BCLAF3: variants seen among roughly 807,000 people sequenced by gnomAD.
The protein encoded by BCLAF3 is transient octamer binding factor 1.
BCLAF3 carries 24 observed loss-of-function variants against 51.2 expected under a neutral mutation model. The observed-to-expected ratio is 0.47, with a 90% CI of 0.34 to 0.66. The LOEUF (loss-of-function observed/expected upper bound fraction) is 0.66. Among genes scored for constraint, BCLAF3 ranks in the 30% least tolerant of loss-of-function variants. The pLI is 0.01. For synonymous variants in BCLAF3, 152 were observed against 176.6 expected (o/e 0.86, Z 1.10); for missense variants, 465 against 525.1 (o/e 0.89, Z 1.12).
chrX:19,979,945 G>A (rs1294037044), intron 1 of BCLAF3, among the ~76,000 whole-genome samples: 1 of 109,716 alleles, frequency 9.1e-6, no homozygotes, highest in Non-Finnish European at 1.9e-5. Flanking sequence ...AGTGGGGAGA[G>A]GGAAAGAAAG....
rs1490992031 is a variant in BCLAF3, at chrX:19,923,740, C to T, written c.2106+6045G>A. Among the ~76,000 whole-genome samples the T allele has an allele frequency of 5.4e-5, 6 of 111,588 alleles. No homozygotes were observed. The Admixed American group carries it at 5.7e-4, about 11-fold the overall frequency. ...GACGTTTCATATAAACTGAATCATA[C>T]AATATGTGGTCTTTTGTGTCTGGCT... On this transcript the variant is annotated intron_variant, in intron 11 of 11. Coordinates refer to ENST00000379682, the MANE Select transcript of BCLAF3 (RefSeq NM_001367774.2).
intron 1 of BCLAF3, among the ~76,000 whole-genome samples, chrX:19,978,157 G>A (rs2072488926): frequency 1.8e-5 from 2 of 112,359 alleles, no homozygotes; most frequent in Admixed American, 9.5e-5. Context: ...GTAGCCCATA[G>A]ATCAAGGAGT....
intron 1 of BCLAF3, among the ~76,000 whole-genome samples, chrX:19,990,386 G>A (rs1003171811): frequency 8.8e-6 from 1 of 113,496 alleles, no homozygotes; most frequent in Non-Finnish European, 1.9e-5. Flanking sequence ...ATAATGAGCA[G>A]CCTTCACTAC....
rs1169065328 is a variant in BCLAF3 at position 19,916,334 on chromosome X, C to T, written c.*971G>A. On this transcript the variant is annotated 3_prime_UTR_variant, in exon 12 of 12. Transcript: ENST00000379682. Reference sequence around the variant, plus strand: ...AAATGTAATTGGGAATGTATATGTACTGTTAAGCAGAACACAGAAAACATA... The same window carrying T: ...AAATGTAATTGGGAATGTATATGTATTGTTAAGCAGAACACAGAAAACATA... 8.9e-6 allele frequency: 1 copy of T among 112,544 alleles called. No homozygotes were observed. Among genetic ancestry groups the T allele is most frequent in the African/African-American group, 3.2e-5 (1 of 30,984 alleles). 9.3% of individuals were successfully genotyped at this position (112,544 alleles called of 1,213,427 possible).
At position 19,945,854 on chromosome X, in the gene BCLAF3, T is replaced by C. The variant is rs1294511314; in HGVS notation, c.1745+4899A>G. 5.8e-3 allele frequency among the ~76,000 whole-genome samples: 590 copies of C among 102,443 alleles called. 3 individuals are homozygous for C. The highest frequency in any genetic ancestry group is 0.018 in the African/African-American group (454 of 25,898). 89.0% of individuals were successfully genotyped at this position (102,443 alleles called of 115,157 possible). ...TTACCTAAGCAAGCCTGGGCAATGG[T>C]GGGCGCCCCTCCCCCAGCCTCGCTG... On this transcript the variant is annotated intron_variant, in intron 8 of 11. Transcript: ENST00000379682.
At chrX:19,937,111 G>C (rs190322087) in intron 9 of BCLAF3, among the ~76,000 whole-genome samples, 150 of 111,322 alleles carry the variant, frequency 1.3e-3, no homozygotes, top group African/African-American at 4.6e-3. Context: ...CTGGGCTCAA[G>C]CAATCCTCCT....
chrX:19,938,464 C>T (rs1192796187), intron 8 of BCLAF3, among the ~76,000 whole-genome samples: 2 of 112,264 alleles, frequency 1.8e-5, no homozygotes, highest in East Asian at 2.8e-4. Context: ...GGCACAATCT[C>T]GGCTCATTGC....
rs776925685 is a variant in BCLAF3, at chrX:19,937,530, T to C, written c.1748A>G (p.Asp583Gly). The stretch of plus-strand genomic sequence containing the variant: ...CTTTGAAAAACTGGAATTCTGATCA[T>C]CCCTAATAAGGAAACAGAGAAAATA... ...IFHIASAAER[D>G]DQNSSFSKVK... The change falls in exon 9 of 12, where the codon GAT becomes GGT. Residue 583 changes from aspartate (D) to glycine (G), a missense_variant and splice_region_variant. Transcript: ENST00000379682. 1.0e-6 allele frequency: 1 copy of C among 1,000,274 alleles called. No homozygotes were observed. Among genetic ancestry groups the C allele is most frequent in the African/African-American group, 1.9e-5 (1 of 52,932 alleles). 82.4% of individuals were successfully genotyped at this position (1,000,274 alleles called of 1,213,427 possible).
intron 7 of BCLAF3, among the ~76,000 whole-genome samples, chrX:19,951,416 T>G (rs1204471601): frequency 2.0e-5 from 2 of 102,260 alleles, no homozygotes; most frequent in Admixed American, 1.1e-4. Context: ...GCCAACATAG[T>G]AAAACCCCAT....
intron 4 of BCLAF3, among the ~76,000 whole-genome samples, chrX:19,963,505 G>A (rs901321432): frequency 9.0e-6 from 1 of 111,724 alleles, no homozygotes; most frequent in East Asian, 2.8e-4. Flanking sequence ...AATATACATA[G>A]AAAAATAACT....
chrX:19,980,959 C>T (rs542675351), intron 1 of BCLAF3, among the ~76,000 whole-genome samples: 3 of 108,022 alleles, frequency 2.8e-5, no homozygotes, highest in South Asian at 4.0e-4. Context: ...AAAAAAATTG[C>T]TACACATTGT....
intron 8 of BCLAF3, among the ~76,000 whole-genome samples, chrX:19,950,535 T>G (rs1019064092): frequency 1.8e-5 from 2 of 112,372 alleles, no homozygotes; most frequent in Non-Finnish European, 3.8e-5. Context: ...ACCTCAAATA[T>G]TCACCTACCC....
intron 1 of BCLAF3, among the ~76,000 whole-genome samples, chrX:19,980,540 G>T (rs1343826932): frequency 8.9e-6 from 1 of 112,104 alleles, no homozygotes; most frequent in African/African-American, 3.2e-5. Flanking sequence ...CTAAATGGGG[G>T]AAATGTCAGC....
At chrX:19,985,639 G>A (rs981251482) in intron 1 of BCLAF3, among the ~76,000 whole-genome samples, 1 of 111,604 alleles carries the variant, frequency 9.0e-6, no homozygotes, top group African/African-American at 3.3e-5. Flanking sequence ...GGACATGGAA[G>A]TAAATAATAA....
chrX:19,927,657 G>A (rs752282538), intron 11 of BCLAF3, among the ~76,000 whole-genome samples: 11 of 108,741 alleles, frequency 1.0e-4, no homozygotes, highest in Non-Finnish European at 1.7e-4. Context: ...TTCTCATTTC[G>A]TTTTTTTCTC....
Position 19,983,822 on chromosome X carries a change from A to T in BCLAF3, c.-35+7086T>A, listed in dbSNP as rs935938939. 3.6e-5 allele frequency among the ~76,000 whole-genome samples: 4 copies of T among 110,669 alleles called. No individual in the cohort carries two copies. In the Admixed American group the frequency reaches 3.8e-4, roughly 11 times the overall value. On this transcript the variant is annotated intron_variant, in intron 1 of 11. Transcript: ENST00000379682. ...GGTGGCTTATGCTTGTAATCCCAGCACTTTGGGAGGCTAAGGCGGGTGGAT... is the reference window on the plus strand; with the variant it reads ...GGTGGCTTATGCTTGTAATCCCAGCTCTTTGGGAGGCTAAGGCGGGTGGAT...
intron 8 of BCLAF3, among the ~76,000 whole-genome samples, chrX:19,944,403 C>T (rs1252346733): frequency 1.9e-4 from 8 of 42,962 alleles, no homozygotes; most frequent in African/African-American, 8.2e-4. Context: ...GATTTTGCAG[C>T]GGCTGGTACC....
At position 19,935,852 on chromosome X, in the gene BCLAF3, T is replaced by C; in HGVS notation, c.1907A>G (p.Glu636Gly). ...TGTGTTTCGGTGGTTTCCCTCAACC[T>C]CAAATGGTTTGTGAGTAATTATGTC... Reference protein sequence around the residue: ...RKDIITHKPFEVEGNHRNTRV... With the variant: ...RKDIITHKPFGVEGNHRNTRV... Residue 636 changes from glutamate to glycine, a missense_variant, in exon 10 of 12, where the codon GAG becomes GGG. Physicochemically the swap from Glu to Gly is moderately conservative, Grantham distance 98. Coordinates refer to ENST00000379682, the MANE Select transcript of BCLAF3 (RefSeq NM_001367774.2). 1 of 1,210,979 alleles carries C rather than the reference T, an allele frequency of 8.3e-7. No individual in the cohort carries two copies. The highest frequency in any genetic ancestry group is 2.3e-4 in the Middle Eastern group (1 of 4,346).
intron 8 of BCLAF3, among the ~76,000 whole-genome samples, chrX:19,944,980 A>G (rs1271049889): frequency 9.9e-6 from 1 of 101,254 alleles, no homozygotes; most frequent in African/African-American, 3.7e-5. Context: ...ATTTCTTTTT[A>G]TTCTTTTTTC....
Sources: gnomAD v4.1 joint callset for allele counts (sites outside exome capture counted in the v4.1 genomes callset) on GRCh38, gnomAD v4.1.1 for gene constraint, MANE v1.5 for transcripts, NCBI Gene and HGNC (gene_info 2026-07-23, HGNC 2026-07-21) for gene names.